DTNA: variants seen among roughly 807,000 people sequenced by gnomAD.
DTNA encodes the protein dystrobrevin alpha, also known as dystrophin-related protein 3.
A neutral mutation model predicts 100.7 loss-of-function variants in DTNA; 43 were observed. The observed-to-expected ratio is 0.43, with a 90% CI of 0.33 to 0.55. The LOEUF is 0.55. Ranked by LOEUF, DTNA falls within the 20% of genes least tolerant of loss-of-function variation. DTNA has a pLI of 0.04. For missense variants in DTNA, 798 were observed against 953.9 expected, an observed-to-expected ratio of 0.84 and a Z score of 2.15; for synonymous variants, 349 against 347.9, an observed-to-expected ratio of 1.00 and a Z score of -0.04.
At position 34,646,191 on chromosome 18, in the gene DTNA, C is replaced by A. The variant is rs1023596938; in HGVS notation, c.-1-109785C>A. Among the ~76,000 whole-genome samples, 4 of 152,116 alleles carry A rather than the reference C, an allele frequency of 2.6e-5. No homozygotes were observed. The South Asian group carries it at 8.3e-4, about 32-fold the overall frequency. On this transcript the variant is annotated intron_variant, in intron 1 of 19. Transcript: ENST00000283365. ...AAACAAATGACAATACAACATCTCT[C>A]ATTAGATGATGAAAATCACAGTGAA... is the stretch of plus-strand genomic sequence containing the variant.
chr18:34,879,704 C>T lies in DTNA; in HGVS notation c.2147C>T (p.Thr716Ile), dbSNP rs1184517975. The T allele has an allele frequency of 6.2e-7, 1 of 1,614,044 alleles. No individual in the cohort carries two copies. Among genetic ancestry groups the T allele is most frequent in the African/African-American group, 1.3e-5 (1 of 75,010 alleles). ...GYIHSGATTS[T>I]MRGDMVTEDA... ...ATTCACAGTGGAGCTACCACAAGTA[C>T]CATGCGTGGCGACATGTGAGTATCT... is the stretch of plus-strand genomic sequence containing the variant. The change falls in exon 20 of 23, where the codon ACC becomes ATC. Residue 716 changes from threonine to isoleucine, a missense_variant. By Grantham distance (89) the Thr-to-Ile change is moderately conservative (BLOSUM62 -1). Around this residue, in one of 6 missense-constraint regions of DTNA, gnomAD observed 242 missense variants for 238.2 expected, o/e 1.02. Transcript: ENST00000444659.
At chr18:34,506,821 T>C (rs1010085065) in intron 1 of DTNA, among the ~76,000 whole-genome samples, 3 of 152,194 alleles carry the variant, frequency 2.0e-5, no homozygotes, top group African/African-American at 7.2e-5. Context: ...TGTATGTTTA[T>C]TTAATATATA....
At chr18:34,842,004 A>G (rs1158838602) in intron 13 of DTNA, among the ~76,000 whole-genome samples, 1 of 152,164 alleles carries the variant, frequency 6.6e-6, no homozygotes, top group African/African-American at 2.4e-5. Flanking sequence ...TCCTAATTCA[A>G]TGAAGTTTTA....
intron 17 of DTNA, chr18:34,868,045 A>G: frequency 3.1e-6 from 3 of 972,676 alleles, no homozygotes; most frequent in Non-Finnish European, 3.7e-6. Context: ...AGATATAAAC[A>G]GTGACTTCAT....
chr18:34,877,599 AAGG>A (rs1419399172), intron 18 of DTNA, 117 bp from the exon 19 acceptor site: 4 of 802,728 alleles, frequency 5.0e-6, no homozygotes, highest in Admixed American at 2.3e-5. Flanking sequence ...CACTTCTGAA[AAGG>A]AGAAGTCTTA....
chr18:34,615,879 G>A (rs2055173502), intron 1 of DTNA, among the ~76,000 whole-genome samples: 2 of 152,072 alleles, frequency 1.3e-5, no homozygotes, highest in Admixed American at 6.6e-5. Flanking sequence ...TAGGATAATG[G>A]CCTCCAGCTC....
intron 1 of DTNA, among the ~76,000 whole-genome samples, chr18:34,667,084 C>A (rs2076040357): frequency 6.6e-6 from 1 of 152,088 alleles, no homozygotes; most frequent in Non-Finnish European, 1.5e-5. Context: ...TTGTTTGTGT[C>A]CTCTTTTATT....
intron 8 of DTNA, 109 bp downstream of exon 8, chr18:34,818,439 C>G: frequency 6.5e-7 from 1 of 1,545,948 alleles, no homozygotes; most frequent in Non-Finnish European, 8.7e-7. Context: ...TACCTTCCAT[C>G]CCAGGTCTAG....
At position 34,711,201 on chromosome 18, in the gene DTNA, C is replaced by A. The variant is rs574143571; in HGVS notation, c.-2+756C>A. On this transcript the variant is annotated intron_variant, in intron 1 of 22. Coordinates refer to ENST00000444659, the MANE Select transcript of DTNA (RefSeq NM_001386795.1). ...GGAGCATCAATTCCCAGAGCGCAGA[C>A]GCCTTCTCATGCGTTGTTTACATAT... Among the ~76,000 whole-genome samples the A allele has an allele frequency of 7.5e-4, 114 of 152,210 alleles. 1 individual carries two copies. The South Asian group carries it at 0.022, about 29-fold the overall frequency.
At chr18:34,800,890 C>T (rs1352163697) in intron 4 of DTNA, among the ~76,000 whole-genome samples, 1 of 152,148 alleles carries the variant, frequency 6.6e-6, no homozygotes, top group Non-Finnish European at 1.5e-5. Flanking sequence ...CTCTTCCCTG[C>T]AACTTTTCCA....
At chr18:34,745,719 C>T (rs770320732) in intron 1 of DTNA, among the ~76,000 whole-genome samples, 7 of 152,304 alleles carry the variant, frequency 4.6e-5, no homozygotes, top group Non-Finnish European at 1.0e-4. Flanking sequence ...CTGTAATTGG[C>T]TGCTGCCATT....
In DTNA at chr18:34,890,334, C is replaced by T. The variant is rs794729006; in HGVS notation, c.*2600C>T. The T allele has an allele frequency of 3.7e-5, 57 of 1,535,974 alleles. No homozygotes were observed. In the African/African-American group the frequency reaches 6.2e-4, roughly 17 times the overall value. On this transcript the variant is annotated 3_prime_UTR_variant, in exon 23 of 23. Transcript: ENST00000444659. ...AGCACTGAGACCAGACTCGAGCACCCCTGTCCTGTAAGCGAGACAAAATGG... is the reference window on the plus strand; with the variant it reads ...AGCACTGAGACCAGACTCGAGCACCTCTGTCCTGTAAGCGAGACAAAATGG...
intron 1 of DTNA, among the ~76,000 whole-genome samples, chr18:34,577,931 GT>G (rs35293190): frequency 2.3e-3 from 319 of 139,472 alleles, no homozygotes; most frequent in African/African-American, 2.4e-3. Flanking sequence ...ACATGTGCAA[GT>G]TTTTTTTTTT....
In DTNA at chr18:34,838,081, T is replaced by A. The variant is rs1568715278; in HGVS notation, c.1176-13T>A. 1 of 1,613,476 alleles carries A rather than the reference T, an allele frequency of 6.2e-7. No individual in the cohort carries two copies. The highest frequency in any genetic ancestry group is 1.7e-5 in the Admixed American group (1 of 59,984). ...GTTTACGCTCTTCTTGGCTTTCCCA[T>A]CTTATTAACTAGCTCTCCTCCCAAG... is the stretch of plus-strand genomic sequence containing the variant. On this transcript the variant is annotated splice_polypyrimidine_tract_variant and intron_variant, in intron 11 of 22. Transcript: ENST00000444659.
intron 1 of DTNA, among the ~76,000 whole-genome samples, chr18:34,727,469 A>G (rs1201499472): frequency 1.3e-5 from 2 of 152,210 alleles, no homozygotes. Context: ...TATTGTGAAA[A>G]CAAATTTTCA....
Position 34,496,403 on chromosome 18 carries a change from TCC to T in DTNA, c.-2+2890_-2+2891del, listed in dbSNP as rs2039232487. On this transcript the variant is annotated intron_variant, in intron 1 of 19. Transcript: ENST00000283365. The stretch of plus-strand genomic sequence containing the variant: ...GTGTTGATTGTTATCAAGACATAAA[TCC>T]TGTGATACATACATATATCCTTTCT... Among the ~76,000 whole-genome samples the T allele has an allele frequency of 3.9e-5, 6 of 152,248 alleles. No individual in the cohort carries two copies. In the South Asian group the frequency reaches 1.2e-3, roughly 31 times the overall value.
intron 1 of DTNA, among the ~76,000 whole-genome samples, chr18:34,605,842 C>G (rs1194775998): frequency 6.6e-6 from 1 of 152,088 alleles, no homozygotes; most frequent in Non-Finnish European, 1.5e-5. Context: ...AATTAAATTA[C>G]TTATATCTGG....
chr18:34,680,536 G>A (rs1422072325), intron 1 of DTNA, among the ~76,000 whole-genome samples: 1 of 152,138 alleles, frequency 6.6e-6, no homozygotes. Flanking sequence ...CAGAGCATTG[G>A]CCACTGTCTA....
intron 1 of DTNA, among the ~76,000 whole-genome samples, chr18:34,753,383 A>T (rs1381696350): frequency 0.089 from 1,053 of 11,890 alleles, 15 homozygotes; most frequent in African/African-American, 0.22. Flanking sequence ...TTTTTTTTTT[A>T]TTTTTTATTT....
Sources: allele counts gnomAD v4.1 joint callset (sites outside exome capture counted in the v4.1 genomes callset), GRCh38; gene constraint gnomAD v4.1.1; regional missense constraint gnomAD v4.1.1; transcripts MANE v1.5; gene names NCBI Gene and HGNC (gene_info 2026-07-23, HGNC 2026-07-21).